The following DLL4 variants were observed in gnomAD, a reference collection of about 807,000 sequenced individuals.
The protein encoded by DLL4 is delta-like protein 4.
DLL4 carries 7 observed loss-of-function variants against 73.6 expected under a neutral mutation model. That is an observed-to-expected ratio of 0.10 (90% CI 0.05 to 0.18). The LOEUF is 0.18. Among genes scored for constraint, DLL4 ranks in the 10% least tolerant of loss-of-function variants. DLL4 has a pLI of 1.00. For synonymous variants in DLL4, 345 were observed against 374.3 expected (o/e 0.92, Z 0.90); for missense variants, 614 against 929.9 (o/e 0.66, Z 4.42).
In DLL4 at chr15:40,930,055, G is replaced by A; in HGVS notation, c.275G>A (p.Arg92Gln). 1.2e-6 allele frequency: 2 copies of A among 1,612,714 alleles called. No individual in the cohort carries two copies. Among genetic ancestry groups the A allele is most frequent in the Non-Finnish European group, 1.7e-6 (2 of 1,179,642 alleles). ...TTGGGCACCAACTCCTTCGCTGTCC[G>A]GGACGACAGTAGCGGCGGGGGGCGC... ...PVLGTNSFAV[R>Q]DDSSGGGRNP... The change falls in exon 2 of 11, where the codon CGG (arginine) becomes CAG (glutamine). Residue 92 changes from arginine (R) to glutamine (Q), a missense_variant. Arg to Gln is a conservative substitution (Grantham distance 43). Around this residue, in one of 3 missense-constraint regions of DLL4, gnomAD observed 227 missense variants for 370.8 expected, o/e 0.61. Transcript: ENST00000249749. The surrounding 1 kb of genome is among the most constrained non-coding windows in gnomAD (Gnocchi z 5.7).
chr15:40,936,955 G>A (rs1418737440), intron 9 of DLL4, 25 bp downstream of exon 9: 2 of 1,541,488 alleles, frequency 1.3e-6, no homozygotes, highest in African/African-American at 1.4e-5. Context: ...GAAGCCCAGG[G>A]CCTGGCCACC....
At chr15:40,936,194 C>A in intron 8 of DLL4, 34 bp from the exon 9 acceptor site, 1 of 1,516,118 alleles carries the variant, frequency 6.6e-7, no homozygotes, top group South Asian at 1.3e-5. Flanking sequence ...AGCTCCCAGG[C>A]TATCACTGAC....
Position 40,938,046 on chromosome 15 carries a change from A to C in DLL4, c.*12A>C. 6.4e-7 allele frequency: 1 copy of C among 1,574,742 alleles called. No homozygotes were observed. Among genetic ancestry groups the C allele is most frequent in the Non-Finnish European group, 8.6e-7 (1 of 1,162,676 alleles). Reference sequence around the variant, plus strand: ...GCTCCCAGGTATAAGGCAGGAGCCTACCTGGACATCCCTGCTCAGCCCCGC... The same window carrying C: ...GCTCCCAGGTATAAGGCAGGAGCCTCCCTGGACATCCCTGCTCAGCCCCGC... On this transcript the variant is annotated 3_prime_UTR_variant, in exon 11 of 11. Coordinates refer to ENST00000249749, the MANE Select transcript of DLL4 (RefSeq NM_019074.4).
rs1892772629 is a variant in DLL4 at position 40,931,654 on chromosome 15, C to T, written c.546C>T (p.Asp182=). Residue 182 remains aspartate, a synonymous_variant, in exon 4 of 11, where the codon GAC becomes GAT. Coordinates refer to ENST00000249749, the MANE Select transcript of DLL4 (RefSeq NM_019074.4). ...RVICSDNYYG[D]NCSRLCKKRN... ...TCTGCAGTGACAACTACTATGGAGACAACTGCTCCCGCCTGTGCAAGAAGC... is the reference window on the plus strand; with the variant it reads ...TCTGCAGTGACAACTACTATGGAGATAACTGCTCCCGCCTGTGCAAGAAGC... 6.2e-7 allele frequency: 1 copy of T among 1,613,124 alleles called. No individual in the cohort carries two copies. The highest frequency in any genetic ancestry group is 8.5e-7 in the Non-Finnish European group (1 of 1,179,548).
At chr15:40,934,464 A>T (rs1265136682) in intron 6 of DLL4, 84 bp from the exon 7 acceptor site, 1 of 1,457,520 alleles carries the variant, frequency 6.9e-7, no homozygotes, top group Non-Finnish European at 9.3e-7. Context: ...TGAGCCAAAC[A>T]TGGGGGCAAA....
In DLL4 at chr15:40,934,599, C is replaced by G; in HGVS notation, c.902C>G (p.Ser301Cys). ...HSPCKNGATC[S>C]NSGQRSYTCT... ...CCATGCAAGAATGGGGCAACGTGCT[C>G]CAACAGTGGGCAGCGAAGCTACACC... Residue 301 changes from serine (S) to cysteine (C), a missense_variant, in exon 7 of 11, where the codon TCC becomes TGC. Around this residue, in one of 3 missense-constraint regions of DLL4, gnomAD observed 386 missense variants for 541.3 expected, o/e 0.71. Transcript: ENST00000249749. 6.2e-7 allele frequency: 1 copy of G among 1,613,890 alleles called. No individual in the cohort carries two copies. The highest frequency in any genetic ancestry group is 8.5e-7 in the Non-Finnish European group (1 of 1,179,878).
Position 40,930,127 on chromosome 15 carries a change from C to A in DLL4, c.336+11C>A. 5.0e-6 allele frequency: 8 copies of A among 1,603,470 alleles called. No individual in the cohort carries two copies. The highest frequency in any genetic ancestry group is 6.8e-6 in the Non-Finnish European group (8 of 1,175,792). ...AATTTCACCTGGCCGGTGAGCACAG[C>A]CTGGGCGCACTGGGAGGTCGCAGAA... On this transcript the variant is annotated intron_variant, in intron 2 of 10. Transcript: ENST00000249749. The surrounding 1 kb of genome is among the most constrained non-coding windows in gnomAD (Gnocchi z 5.7).
At chr15:40,934,199 G>A (rs1313489141) in intron 6 of DLL4, among the ~76,000 whole-genome samples, 4 of 151,662 alleles carry the variant, frequency 2.6e-5, no homozygotes, top group Non-Finnish European at 5.9e-5. Context: ...AGTGGCGCAT[G>A]CCTGTAATCC....
In DLL4 at chr15:40,936,720, A is replaced by G. The variant is rs1316592130; in HGVS notation, c.1733A>G (p.Asn578Ser). The G allele has an allele frequency of 6.2e-7, 1 of 1,613,770 alleles. No homozygotes were observed. Among genetic ancestry groups the G allele is most frequent in the East Asian group, 2.2e-5 (1 of 44,882 alleles). Residue 578 changes from asparagine (N) to serine (S), a missense_variant, in exon 9 of 11, where the codon AAC (asparagine) becomes AGC (serine). By Grantham distance (46) the Asn-to-Ser change is conservative. Around this residue, in one of 3 missense-constraint regions of DLL4, gnomAD observed 386 missense variants for 541.3 expected, o/e 0.71. Coordinates refer to ENST00000249749, the MANE Select transcript of DLL4 (RefSeq NM_019074.4). ...AACTTGTCGGACTTCCAGAAGGACA[A>G]CCTGATTCCTGCCGCCCAGCTTAAA... ...MNNLSDFQKD[N>S]LIPAAQLKNT...
At chr15:40,931,825 G>A (rs1892775342) in intron 4 of DLL4, 59 bp downstream of exon 4, 1 of 1,592,350 alleles carries the variant, frequency 6.3e-7, no homozygotes, top group Admixed American at 1.7e-5. Context: ...AAACACAGTG[G>A]AGCTTCTTGG....
Position 40,930,873 on chromosome 15 carries a change from G to A in DLL4, c.394+191G>A. 1 of 632,596 alleles carries A rather than the reference G, an allele frequency of 1.6e-6. No homozygotes were observed. Among genetic ancestry groups the A allele is most frequent in the Non-Finnish European group, 2.7e-6 (1 of 367,410 alleles). 39.2% of individuals were successfully genotyped at this position (632,596 alleles called of 1,614,324 possible). Reference sequence around the variant, plus strand: ...GACTCAGAGCACAATTGCGTTTCCTGCGGGTTATTTTTGGCGTGGGAACGC... The same window carrying A: ...GACTCAGAGCACAATTGCGTTTCCTACGGGTTATTTTTGGCGTGGGAACGC... On this transcript the variant is annotated intron_variant, in intron 3 of 10. Transcript: ENST00000249749. This position sits in a 1 kb window ranked among gnomAD's most constrained non-coding sequence, Gnocchi z 5.7.
Position 40,930,226 on chromosome 15 carries a change from A to T in DLL4, c.336+110A>T. 1.6e-6 allele frequency: 2 copies of T among 1,279,610 alleles called. No individual in the cohort carries two copies. The highest frequency in any genetic ancestry group is 2.1e-6 in the Non-Finnish European group (2 of 933,924). The allele number at this position is 1,279,610 out of a possible 1,614,324, so 79.3% of individuals were successfully genotyped here. On this transcript the variant is annotated intron_variant, in intron 2 of 10. Transcript: ENST00000249749. This position sits in a 1 kb window ranked among gnomAD's most constrained non-coding sequence, Gnocchi z 5.7. ...TTGTACACACACCCCCACCCCCAAA[A>T]AGCCCAGGATGCATTCTTTCCTGGC...
rs772439875 is a variant in DLL4 at position 40,932,351 on chromosome 15, G to A, written c.754G>A (p.Glu252Lys). 52 of 1,613,856 alleles carry A rather than the reference G, an allele frequency of 3.2e-5. No individual in the cohort carries two copies. The highest frequency in any genetic ancestry group is 6.6e-5 in the South Asian group (6 of 91,082). ...RPGWQGRLCN[E>K]CIPHNGCRHG... is the part of the protein sequence containing the mutation. ...AGGCTGGCAGGGCCGGCTGTGTAACGAATGCATCCCCCACAATGGCTGTCG... is the reference window on the plus strand; with the variant it reads ...AGGCTGGCAGGGCCGGCTGTGTAACAAATGCATCCCCCACAATGGCTGTCG... Residue 252 changes from glutamate (E) to lysine (K), a missense_variant, in exon 6 of 11, where the codon GAA (glutamate) becomes AAA (lysine). By Grantham distance (56) the Glu-to-Lys change is moderately conservative. Around this residue, in one of 3 missense-constraint regions of DLL4, gnomAD observed 227 missense variants for 370.8 expected, o/e 0.61. Coordinates refer to ENST00000249749, the MANE Select transcript of DLL4 (RefSeq NM_019074.4).
rs955987978 is a variant in DLL4 at position 40,938,369 on chromosome 15, C to T, written c.*335C>T. On this transcript the variant is annotated 3_prime_UTR_variant, in exon 11 of 11. Transcript: ENST00000249749. ...GTTTTCCAGAGAGAGTGGCAGTAGC[C>T]CCATGGGGCCCGGAGCTGCTGTGGC... is the stretch of plus-strand genomic sequence containing the variant. 6.4e-5 allele frequency: 16 copies of T among 248,706 alleles called. No homozygotes were observed. The highest frequency in any genetic ancestry group is 3.6e-4 in the African/African-American group (16 of 44,746). 15.4% of individuals were successfully genotyped at this position (248,706 alleles called of 1,614,324 possible). A position where few individuals can be genotyped will look rare whatever the true frequency, so the allele number is the denominator to read the frequency against.
rs761414825 is a variant in DLL4, at chr15:40,931,798, G to T, written c.658+32G>T. 6.8e-6 allele frequency: 11 copies of T among 1,610,614 alleles called. No individual in the cohort carries two copies. The East Asian group carries it at 2.2e-4, about 33-fold the overall frequency. Reference sequence around the variant, plus strand: ...AGTCAAGCTCCCACCTGTGTGGAAGGGGAGGGTCCCCTGAGGAAACACAGT... The same window carrying T: ...AGTCAAGCTCCCACCTGTGTGGAAGTGGAGGGTCCCCTGAGGAAACACAGT... On this transcript the variant is annotated intron_variant, in intron 4 of 10. Transcript: ENST00000249749.
At position 40,930,664 on chromosome 15, in the gene DLL4, G is replaced by A. The variant is rs1892755101; in HGVS notation, c.376G>A (p.Gly126Arg). 1 of 1,613,842 alleles carries A rather than the reference G, an allele frequency of 6.2e-7. No homozygotes were observed. Among genetic ancestry groups the A allele is most frequent in the African/African-American group, 1.3e-5 (1 of 75,074 alleles). Residue 126 changes from glycine (G) to arginine (R), a missense_variant, in exon 3 of 11, where the codon GGA becomes AGA. Physicochemically the swap from Gly to Arg is moderately radical, Grantham distance 125. Coordinates refer to ENST00000249749, the MANE Select transcript of DLL4 (RefSeq NM_019074.4). This position sits in a 1 kb window ranked among gnomAD's most constrained non-coding sequence, Gnocchi z 5.7. ...CATCATCGAAGCTTGGCACGCGCCA[G>A]GAGACGACCTGCGGCCAGGTGAGTA... ...SLIIEAWHAP[G>R]DDLRPEALPP...
chr15:40,937,591 AC>A, intron 10 of DLL4, 65 bp downstream of exon 10: 1 of 1,188,120 alleles, frequency 8.4e-7, no homozygotes, highest in Non-Finnish European at 1.3e-6. Context: ...GTCACTCTTG[AC>A]CCATGGGCCA....
Position 40,930,592 on chromosome 15 carries a change from G to A in DLL4, c.337-33G>A. On this transcript the variant is annotated intron_variant, in intron 2 of 10. Coordinates refer to ENST00000249749, the MANE Select transcript of DLL4 (RefSeq NM_019074.4). The surrounding 1 kb of genome is among the most constrained non-coding windows in gnomAD (Gnocchi z 5.7). Reference sequence around the variant, plus strand: ...CCACCTCTCCCCGCTTGCTCATCTCGCCATCTCTCCGTCCCCCCACCCCCT... The same window carrying A: ...CCACCTCTCCCCGCTTGCTCATCTCACCATCTCTCCGTCCCCCCACCCCCT... The A allele has an allele frequency of 6.2e-7, 1 of 1,604,142 alleles. No individual in the cohort carries two copies. Among genetic ancestry groups the A allele is most frequent in the Non-Finnish European group, 8.5e-7 (1 of 1,172,166 alleles).
At position 40,930,760 on chromosome 15, in the gene DLL4, A is replaced by T; in HGVS notation, c.394+78A>T. ...GAGTTAATCTGTTCTAGGCGGGGGAAGTGCGGGCTTGGGGGTGGGAGGCAG... is the reference window on the plus strand; with the variant it reads ...GAGTTAATCTGTTCTAGGCGGGGGATGTGCGGGCTTGGGGGTGGGAGGCAG... On this transcript the variant is annotated intron_variant, in intron 3 of 10. Transcript: ENST00000249749. The surrounding 1 kb of genome is among the most constrained non-coding windows in gnomAD (Gnocchi z 5.7). 2.9e-6 allele frequency: 4 copies of T among 1,364,918 alleles called. No individual in the cohort carries two copies. Among genetic ancestry groups the T allele is most frequent in the Non-Finnish European group, 4.1e-6 (4 of 970,126 alleles). 84.6% of individuals were successfully genotyped at this position (1,364,918 alleles called of 1,614,324 possible). A position where few individuals can be genotyped will look rare whatever the true frequency, so the allele number is the denominator to read the frequency against.
Sources: gnomAD v4.1 joint callset for allele counts (sites outside exome capture counted in the v4.1 genomes callset) on GRCh38, gnomAD v4.1.1 for gene constraint, gnomAD v4.1.1 regional missense constraint, Gnocchi (gnomAD v3.1) non-coding constraint, MANE v1.5 for transcripts, NCBI Gene and HGNC (gene_info 2026-07-23, HGNC 2026-07-21) for gene names.